PAX5: variants seen among roughly 807,000 people sequenced by gnomAD.
The protein encoded by PAX5 is paired box protein Pax-5.
Under a neutral mutation model 43.7 loss-of-function variants are expected in PAX5, and 9 were observed. The ratio of observed to expected loss-of-function variants is 0.21; its 90% CI spans 0.12 to 0.36. PAX5 has a LOEUF of 0.36. PAX5 is among the 10% of genes least tolerant of loss of function. PAX5 has a pLI of 1.00. For synonymous variants in PAX5, 228 were observed against 214.3 expected (o/e 1.06, Z -0.56); for missense variants, 383 against 532.7 (o/e 0.72, Z 2.77).
Position 36,836,334 on chromosome 9 carries a change from C to T in PAX5, c.*4226G>A, listed in dbSNP as rs1026971647. The T allele has an allele frequency of 1.7e-5, 4 of 233,252 alleles. No homozygotes were observed. The highest frequency in any genetic ancestry group is 2.5e-5 in the Non-Finnish European group (3 of 118,108). The allele number at this position is 233,252 out of a possible 1,614,324, so 14.4% of individuals were successfully genotyped here. A position where few individuals can be genotyped will look rare whatever the true frequency, so the allele number is the denominator to read the frequency against. ...GCTCTGGGCGTGCCCGTTTCTACCC[C>T]TGCCTTGCTGGACACCCTGAAGCAC... On this transcript the variant is annotated 3_prime_UTR_variant, in exon 10 of 10. Transcript: ENST00000358127.
At chr9:36,883,534 C>T (rs540867640) in intron 7 of PAX5, among the ~76,000 whole-genome samples, 1 of 152,092 alleles carries the variant, frequency 6.6e-6, no homozygotes, top group Non-Finnish European at 1.5e-5. Flanking sequence ...AGCCAGGCGT[C>T]GTGGCACATG....
At chr9:36,851,828 G>T (rs1412217348) in intron 8 of PAX5, among the ~76,000 whole-genome samples, 1 of 152,196 alleles carries the variant, frequency 6.6e-6, no homozygotes, top group Non-Finnish European at 1.5e-5. Context: ...GCTGTTGACA[G>T]AATTAAGAAC....
intron 1 of PAX5, among the ~76,000 whole-genome samples, chr9:37,025,429 G>T (rs1840246588): frequency 6.6e-6 from 1 of 151,516 alleles, no homozygotes; most frequent in Admixed American, 6.6e-5. Context: ...GGATGGGGGG[G>T]AGCGGGGTGG....
chr9:36,966,438 C>CA, intron 6 of PAX5, 111 bp downstream of exon 6: 1 of 1,167,834 alleles, frequency 8.6e-7, no homozygotes, highest in Non-Finnish European at 1.2e-6. Context: ...CCTCTCTGAG[C>CA]AGAACCTGGT....
chr9:36,950,371 T>C (rs1228902011), intron 6 of PAX5, among the ~76,000 whole-genome samples: 1 of 152,170 alleles, frequency 6.6e-6, no homozygotes, highest in African/African-American at 2.4e-5. Flanking sequence ...TTCTCCAAAA[T>C]AGAAGAGAGG....
At chr9:37,012,615 T>G (rs1381094974) in intron 3 of PAX5, among the ~76,000 whole-genome samples, 5 of 152,208 alleles carry the variant, frequency 3.3e-5, no homozygotes. Flanking sequence ...ACACATCCCA[T>G]GCCCCTTCAC....
intron 7 of PAX5, among the ~76,000 whole-genome samples, chr9:36,921,925 C>T (rs1249768084): frequency 1.3e-5 from 2 of 152,130 alleles, no homozygotes; most frequent in East Asian, 1.9e-4. Context: ...GGGAGGGGAC[C>T]CCCTCGGACA....
intron 6 of PAX5, among the ~76,000 whole-genome samples, chr9:36,927,823 C>T (rs1830777681): frequency 6.6e-6 from 1 of 152,144 alleles, no homozygotes; most frequent in Non-Finnish European, 1.5e-5. Context: ...ATTCTCCTGC[C>T]TCAGCCTCCC....
chr9:36,996,922 AGAGT>A (rs1468362989), intron 5 of PAX5, among the ~76,000 whole-genome samples: 6 of 152,128 alleles, frequency 3.9e-5, no homozygotes, highest in Non-Finnish European at 5.9e-5. Flanking sequence ...TGTGTGAGAG[AGAGT>A]ATGTACGAAA....
intron 7 of PAX5, among the ~76,000 whole-genome samples, chr9:36,908,397 C>T (rs1380666767): frequency 6.6e-6 from 1 of 151,960 alleles, no homozygotes; most frequent in Non-Finnish European, 1.5e-5. Flanking sequence ...CAATATTTCT[C>T]TTTCTTTTTC....
chr9:36,854,920 G>A (rs1012536583), intron 8 of PAX5, among the ~76,000 whole-genome samples: 2 of 152,214 alleles, frequency 1.3e-5, no homozygotes, highest in African/African-American at 2.4e-5. Flanking sequence ...ACAGCTGGAC[G>A]GCAGGCCTGG....
At chr9:36,875,611 G>C (rs1825844996) in intron 8 of PAX5, among the ~76,000 whole-genome samples, 2 of 152,170 alleles carry the variant, frequency 1.3e-5, no homozygotes, top group Non-Finnish European at 2.9e-5. Context: ...ACATGGCAGA[G>C]GGGAATTAGG....
intron 6 of PAX5, among the ~76,000 whole-genome samples, chr9:36,952,016 C>T (rs1481353804): frequency 6.6e-6 from 1 of 152,038 alleles, no homozygotes; most frequent in Non-Finnish European, 1.5e-5. Context: ...TTATTATTGC[C>T]TTTTTTCCTA....
intron 6 of PAX5, among the ~76,000 whole-genome samples, chr9:36,951,808 TC>T (rs1190401132): frequency 8.5e-5 from 13 of 152,238 alleles, no homozygotes; most frequent in Admixed American, 8.5e-4. Context: ...TCTAAATATT[TC>T]TTTTTGCTTA....
intron 1 of PAX5, among the ~76,000 whole-genome samples, chr9:37,027,903 G>T (rs541066792): frequency 6.6e-6 from 1 of 152,382 alleles, no homozygotes; most frequent in South Asian, 2.1e-4. Flanking sequence ...GGGCCCAGGC[G>T]GCGGCGCCAC....
chr9:36,983,165 C>G (rs2132286286), intron 5 of PAX5, among the ~76,000 whole-genome samples: 1 of 152,314 alleles, frequency 6.6e-6, no homozygotes, highest in East Asian at 1.9e-4. Flanking sequence ...TTGGTGTTTT[C>G]ATTTACACTA....
At chr9:36,944,206 AAAT>A (rs1832310338) in intron 6 of PAX5, among the ~76,000 whole-genome samples, 1 of 152,166 alleles carries the variant, frequency 6.6e-6, no homozygotes, top group Admixed American at 6.5e-5. Context: ...GCTGATTAAA[AAAT>A]AATAATAATT....
chr9:37,024,749 T>C (rs1588262473), intron 1 of PAX5, among the ~76,000 whole-genome samples: 1 of 152,322 alleles, frequency 6.6e-6, no homozygotes, highest in East Asian at 1.9e-4. Flanking sequence ...TTGGCTAACC[T>C]GCACCTGAAA....
intron 7 of PAX5, among the ~76,000 whole-genome samples, chr9:36,884,300 C>G (rs954553340): frequency 6.6e-6 from 1 of 151,928 alleles, no homozygotes. Context: ...ATACCATGAC[C>G]AAAAAAGTTT....
Sources: gnomAD v4.1 joint callset for allele counts (sites outside exome capture counted in the v4.1 genomes callset) on GRCh38, gnomAD v4.1.1 for gene constraint, MANE v1.5 for transcripts, NCBI Gene and HGNC (gene_info 2026-07-23, HGNC 2026-07-21) for gene names.